UBE3C: variants seen among roughly 807,000 people sequenced by gnomAD.
UBE3C encodes ubiquitin-protein ligase E3C.
UBE3C carries 42 observed loss-of-function variants against 129.4 expected under a neutral mutation model. The ratio of observed to expected loss-of-function variants is 0.32; its 90% confidence interval spans 0.25 to 0.42. The LOEUF (loss-of-function observed/expected upper bound fraction) is 0.42, where lower values mean the gene tolerates loss of function less well. Ranked by LOEUF, UBE3C falls within the 10% of genes least tolerant of loss-of-function variation. The pLI is 1.00. For synonymous variants in UBE3C, 510 were observed against 492.4 expected (o/e 1.04, Z -0.47); for missense variants, 1,049 against 1,319.1 (o/e 0.80, Z 3.17).
rs150362446 is a variant in UBE3C, at chr7:157,174,949, A to G, written c.373A>G (p.Ser125Gly). The change falls in exon 5 of 23, where the codon AGC becomes GGC. Residue 125 changes from serine (S) to glycine (G), a missense_variant. Ser to Gly is a moderately conservative substitution (Grantham distance 56). Coordinates refer to ENST00000348165, the MANE Select transcript of UBE3C (RefSeq NM_014671.3). ...GCTGTATCAGAACTTAATTAAACAC[A>G]GCTCTCTGTTTGTCAAGCAGTTGGA... Reference protein sequence around the residue: ...IWLYQNLIKHSSLFVKQLDGS... With the variant: ...IWLYQNLIKHGSLFVKQLDGS... 1.1e-4 allele frequency: 181 copies of G among 1,612,644 alleles called. No individual in the cohort carries two copies. In the Middle Eastern group the frequency reaches 1.8e-3, roughly 16 times the overall value.
intron 1 of UBE3C, among the ~76,000 whole-genome samples, chr7:157,150,802 A>G (rs1310953563): frequency 1.3e-5 from 2 of 152,248 alleles, no homozygotes; most frequent in Non-Finnish European, 2.9e-5. Context: ...TTTCCATTGA[A>G]TAAAAGAAAG....
intron 18 of UBE3C, among the ~76,000 whole-genome samples, chr7:157,245,321 C>T (rs1003123148): frequency 1.3e-5 from 2 of 152,194 alleles, no homozygotes; most frequent in Non-Finnish European, 2.9e-5. Flanking sequence ...AAATGATTTA[C>T]ACTTCCAGTT....
At chr7:157,244,987 A>G (rs551071777) in intron 18 of UBE3C, among the ~76,000 whole-genome samples, 6 of 152,350 alleles carry the variant, frequency 3.9e-5, no homozygotes, top group African/African-American at 1.2e-4. Context: ...TTGAAGTTGT[A>G]TAATTAACCT....
intron 6 of UBE3C, among the ~76,000 whole-genome samples, chr7:157,179,412 A>G (rs1808610517): frequency 6.6e-6 from 1 of 152,194 alleles, no homozygotes. Flanking sequence ...TGCTCCTAAA[A>G]TGACTGCATC....
At chr7:157,157,585 T>G (rs769768469) in intron 1 of UBE3C, among the ~76,000 whole-genome samples, 6 of 151,896 alleles carry the variant, frequency 4.0e-5, no homozygotes, top group Non-Finnish European at 7.4e-5. Flanking sequence ...ACAAAGAAAT[T>G]TAACCTGCAG....
chr7:157,237,152 G>C lies in UBE3C; in HGVS notation c.2481+5825G>C, dbSNP rs937014223. ...TCAGTTGATTGCTGCACCTAAATAA[G>C]ATTTCTCGGCTGGGTGCAGTGGCTC... On this transcript the variant is annotated intron_variant, in intron 18 of 22. Coordinates refer to ENST00000348165, the MANE Select transcript of UBE3C (RefSeq NM_014671.3). Among the ~76,000 whole-genome samples the C allele has an allele frequency of 2.2e-4, 34 of 152,138 alleles. 1 individual carries two copies. The highest frequency in any genetic ancestry group is 1.0e-4 in the Non-Finnish European group (7 of 68,028).
At chr7:157,230,097 T>TG (rs1240586972) in intron 17 of UBE3C, among the ~76,000 whole-genome samples, 2 of 150,784 alleles carry the variant, frequency 1.3e-5, no homozygotes, top group East Asian at 2.0e-4. Flanking sequence ...TTAGTAGGGA[T>TG]GGGGTTTCAC....
chr7:157,256,051 C>A (rs532429505), intron 21 of UBE3C, among the ~76,000 whole-genome samples: 1 of 152,164 alleles, frequency 6.6e-6, no homozygotes, highest in Admixed American at 6.6e-5. Context: ...AACTGCAGCA[C>A]GGTTCTTCAA....
At chr7:157,164,360 C>T (rs1050667428) in intron 2 of UBE3C, 2 of 456,554 alleles carry the variant, frequency 4.4e-6, no homozygotes, top group Admixed American at 2.3e-5. Flanking sequence ...TCTTGCTTTG[C>T]TGCCGAGGCT....
chr7:157,242,655 C>G (rs1039793709), intron 18 of UBE3C, among the ~76,000 whole-genome samples: 2 of 151,236 alleles, frequency 1.3e-5, no homozygotes, highest in African/African-American at 4.9e-5. Flanking sequence ...CTTCCTTGTT[C>G]ATGAAGATGT....
At chr7:157,190,404 A>G (rs1005028424) in intron 10 of UBE3C, among the ~76,000 whole-genome samples, 2 of 152,140 alleles carry the variant, frequency 1.3e-5, no homozygotes, top group African/African-American at 4.8e-5. Context: ...AGTGTCCTGC[A>G]TGGTAGCCAC....
In UBE3C at chr7:157,231,997, G is replaced by A. The variant is rs1796034376; in HGVS notation, c.2481+670G>A. Among the ~76,000 whole-genome samples, 3 of 152,168 alleles carry A rather than the reference G, an allele frequency of 2.0e-5. 1 individual carries two copies. The South Asian group carries it at 6.2e-4, about 32-fold the overall frequency. ...CTGGAAGTCCAAACTCAGGGTGTCA[G>A]CAGCAGCATAGATTCCTTTTTAGAG... is the stretch of plus-strand genomic sequence containing the variant. On this transcript the variant is annotated intron_variant, in intron 18 of 22. Transcript: ENST00000348165.
At chr7:157,241,788 A>G (rs1012776413) in intron 18 of UBE3C, among the ~76,000 whole-genome samples, 6 of 152,212 alleles carry the variant, frequency 3.9e-5, no homozygotes, top group African/African-American at 1.4e-4. Flanking sequence ...AAACGGGTAA[A>G]CAGAATACGG....
intron 21 of UBE3C, 99 bp from the exon 22 acceptor site, chr7:157,256,815 A>C (rs1796763697): frequency 6.6e-7 from 1 of 1,505,112 alleles, no homozygotes; most frequent in South Asian, 1.3e-5. Flanking sequence ...TTGAGGATCC[A>C]TGGACTTTAG....
rs1304743182 is a variant in UBE3C at position 157,256,911 on chromosome 7, T to C, written c.2951-3T>C. 1.9e-6 allele frequency: 3 copies of C among 1,614,042 alleles called. No homozygotes were observed. The highest frequency in any genetic ancestry group is 1.1e-5 in the South Asian group (1 of 91,062). On this transcript the variant is annotated splice_region_variant and splice_polypyrimidine_tract_variant and intron_variant, in intron 21 of 22. Transcript: ENST00000348165. ...CATAAAGCATGTGTTCATTTTGCCA[T>C]AGGAGGCTATTCTGCAGACCATCCT... is the stretch of plus-strand genomic sequence containing the variant.
At chr7:157,207,111 A>C (rs1330165724) in intron 11 of UBE3C, among the ~76,000 whole-genome samples, 5 of 152,162 alleles carry the variant, frequency 3.3e-5, no homozygotes, top group Admixed American at 1.3e-4. Context: ...TTAGGGCCTT[A>C]GTCTGGGAAC....
At chr7:157,175,444 A>G (rs1302988169) in intron 5 of UBE3C, among the ~76,000 whole-genome samples, 1 of 152,140 alleles carries the variant, frequency 6.6e-6, no homozygotes, top group Non-Finnish European at 1.5e-5. Context: ...GCTTTTTATT[A>G]TTTATGTAGG....
intron 17 of UBE3C, among the ~76,000 whole-genome samples, chr7:157,227,111 A>C (rs1183180325): frequency 1.3e-5 from 2 of 152,210 alleles, no homozygotes; most frequent in Non-Finnish European, 2.9e-5. Context: ...TGCTCAGTAG[A>C]TGCTTATTCA....
At chr7:157,173,136 G>A (rs561990992) in intron 4 of UBE3C, among the ~76,000 whole-genome samples, 1 of 152,324 alleles carries the variant, frequency 6.6e-6, no homozygotes, top group East Asian at 1.9e-4. Flanking sequence ...CACTTTGTGG[G>A]GCTGAGGTGG....
Sources: allele counts gnomAD v4.1 joint callset (sites outside exome capture counted in the v4.1 genomes callset), GRCh38; gene constraint gnomAD v4.1.1; transcripts MANE v1.5; gene names NCBI Gene and HGNC (gene_info 2026-07-23, HGNC 2026-07-21).